NTNG2: variants seen among roughly 807,000 people sequenced by gnomAD.
NTNG2 encodes the protein netrin-G2.
Under a neutral mutation model 47.6 loss-of-function variants are expected in NTNG2, and 15 were observed. The ratio of observed to expected loss-of-function variants is 0.32; its 90% CI spans 0.21 to 0.49. NTNG2 has a LOEUF of 0.49. Ranked by LOEUF, NTNG2 falls within the 20% of genes least tolerant of loss-of-function variation. The probability of loss-of-function intolerance (pLI) is 0.99; values close to 1 mark genes in which losing one functional copy is unlikely to be tolerated. For missense variants in NTNG2, 578 were observed against 764.6 expected (o/e 0.76, Z 2.88); for synonymous variants, 307 against 324.6 (o/e 0.95, Z 0.58).
chr9:132,169,533 G>A (rs1835740328), intron 2 of NTNG2, among the ~76,000 whole-genome samples: 1 of 152,232 alleles, frequency 6.6e-6, no homozygotes, highest in Admixed American at 6.5e-5. Flanking sequence ...AATAGAAAGT[G>A]TTGCCTAAAT....
intron 2 of NTNG2, among the ~76,000 whole-genome samples, chr9:132,192,499 G>C (rs1032648142): frequency 6.6e-6 from 1 of 152,252 alleles, no homozygotes; most frequent in Non-Finnish European, 1.5e-5. Context: ...ACTGAGGCAG[G>C]AGTATCGCTT....
At chr9:132,202,496 A>C (rs1838844929) in intron 3 of NTNG2, among the ~76,000 whole-genome samples, 1 of 152,186 alleles carries the variant, frequency 6.6e-6, no homozygotes. Flanking sequence ...AGCCTGCTCC[A>C]CGTGCCCATT....
intron 5 of NTNG2, among the ~76,000 whole-genome samples, chr9:132,234,110 C>T (rs907916860): frequency 6.6e-6 from 1 of 151,542 alleles, no homozygotes; most frequent in Admixed American, 6.6e-5. Flanking sequence ...TCACTGCAAC[C>T]TCCGCCCCCC....
chr9:132,190,232 CAAAAAAA>C (rs58974463), intron 2 of NTNG2, among the ~76,000 whole-genome samples: 2 of 69,926 alleles, frequency 2.9e-5, no homozygotes, highest in African/African-American at 5.6e-5. Context: ...GACTCCATCT[CAAAAAAA>C]AAAAAAAAAA....
rs1397409994 is a variant in NTNG2, at chr9:132,182,201, C to T, written c.213+15157C>T. Reference sequence around the variant, plus strand: ...TCCCACGCACCAGCTCTGGGGAAGGCGAGATGGCTTTGCCTGGAGGAACCT... The same window carrying T: ...TCCCACGCACCAGCTCTGGGGAAGGTGAGATGGCTTTGCCTGGAGGAACCT... On this transcript the variant is annotated intron_variant, in intron 2 of 7. Coordinates refer to ENST00000393229, the MANE Select transcript of NTNG2 (RefSeq NM_032536.4). The surrounding 1 kb of genome is among the most constrained non-coding windows in gnomAD (Gnocchi z 4.2). Among the ~76,000 whole-genome samples the T allele has an allele frequency of 3.3e-5, 5 of 152,206 alleles. No individual in the cohort carries two copies. The highest frequency in any genetic ancestry group is 5.9e-5 in the Non-Finnish European group (4 of 68,038).
chr9:132,229,870 A>G (rs766011992), intron 4 of NTNG2, among the ~76,000 whole-genome samples: 7 of 152,198 alleles, frequency 4.6e-5, no homozygotes, highest in Non-Finnish European at 8.8e-5. Context: ...AATCTCACCC[A>G]GGGATTTCAA....
At chr9:132,228,380 G>A (rs934431392) in intron 4 of NTNG2, among the ~76,000 whole-genome samples, 2 of 152,174 alleles carry the variant, frequency 1.3e-5, no homozygotes, top group South Asian at 2.1e-4. Context: ...CACTCCAGCC[G>A]CTGCCTCCTC....
chr9:132,242,163 C>A lies in NTNG2; in HGVS notation c.*52C>A. ...CCCGGAGGCCGGGGGTCCCGGGGTC[C>A]CGGGGCGGGGCCGGCGTCCGAGGCC... On this transcript the variant is annotated 3_prime_UTR_variant, in exon 8 of 8. Coordinates refer to ENST00000393229, the MANE Select transcript of NTNG2 (RefSeq NM_032536.4). The surrounding 1 kb of genome is among the most constrained non-coding windows in gnomAD (Gnocchi z 5.9). 1 of 947,484 alleles carries A rather than the reference C, an allele frequency of 1.1e-6. No homozygotes were observed. The highest frequency in any genetic ancestry group is 5.0e-5 in the South Asian group (1 of 20,024). The allele number at this position is 947,484 out of a possible 1,614,324, so 58.7% of individuals were successfully genotyped here.
intron 3 of NTNG2, among the ~76,000 whole-genome samples, chr9:132,217,165 T>G (rs1840049561): frequency 1.3e-5 from 2 of 152,230 alleles, no homozygotes; most frequent in African/African-American, 2.4e-5. Flanking sequence ...GGACAGTGCC[T>G]TCTGCGTTTT....
At position 132,198,545 on chromosome 9, in the gene NTNG2, T is replaced by C; in HGVS notation, c.793T>C (p.Tyr265His). The change falls in exon 3 of 8, where the codon TAT (tyrosine) becomes CAT (histidine). Residue 265 changes from tyrosine (Y) to histidine (H), a missense_variant. Coordinates refer to ENST00000393229, the MANE Select transcript of NTNG2 (RefSeq NM_032536.4). ...RLLRPALGGT[Y>H]VQRENLYKYF... is the part of the protein sequence containing the mutation. The stretch of plus-strand genomic sequence containing the variant: ...GCTGCGCCCGGCGCTGGGCGGCACC[T>C]ATGTGCAGCGGGAGAACCTCTACAA... 6.2e-7 allele frequency: 1 copy of C among 1,613,070 alleles called. No homozygotes were observed. The highest frequency in any genetic ancestry group is 8.5e-7 in the Non-Finnish European group (1 of 1,179,966).
chr9:132,197,379 A>T lies in NTNG2; in HGVS notation c.214-587A>T, dbSNP rs2130719816. Among the ~76,000 whole-genome samples the T allele has an allele frequency of 6.6e-6, 1 of 152,198 alleles. No homozygotes were observed. The highest frequency in any genetic ancestry group is 1.5e-5 in the Non-Finnish European group (1 of 68,006). On this transcript the variant is annotated intron_variant, in intron 2 of 7. Coordinates refer to ENST00000393229, the MANE Select transcript of NTNG2 (RefSeq NM_032536.4). The surrounding 1 kb of genome is among the most constrained non-coding windows in gnomAD (Gnocchi z 4.3). ...ACTCCATCCTGGGAAACATAGCAAG[A>T]CTCCATCTCAATAAAAAAATAAAAT...
chr9:132,167,132 G>A, intron 2 of NTNG2, 88 bp downstream of exon 2: 2 of 1,404,086 alleles, frequency 1.4e-6, no homozygotes, highest in Non-Finnish European at 2.0e-6. Context: ...CAGAGCTGGA[G>A]GACTGAGATG....
At chr9:132,225,076 C>T (rs1252379726) in intron 3 of NTNG2, among the ~76,000 whole-genome samples, 2 of 152,072 alleles carry the variant, frequency 1.3e-5, no homozygotes, top group East Asian at 3.9e-4. Flanking sequence ...CACCATCACA[C>T]TTGGCTAATT....
intron 6 of NTNG2, chr9:132,240,682 G>C: frequency 1.6e-6 from 1 of 620,810 alleles, no homozygotes; most frequent in East Asian, 2.8e-5. Flanking sequence ...GGAAGGTGGG[G>C]CTGGGACGTG....
intron 2 of NTNG2, among the ~76,000 whole-genome samples, chr9:132,179,709 C>T (rs115905823): frequency 0.011 from 1,697 of 152,270 alleles, 29 homozygotes; most frequent in African/African-American, 0.037. Context: ...CGTAACAGGA[C>T]GGAGCCAGGT....
At chr9:132,227,281 C>G (rs1840845381) in intron 4 of NTNG2, among the ~76,000 whole-genome samples, 1 of 152,226 alleles carries the variant, frequency 6.6e-6, no homozygotes. Flanking sequence ...TTCTACAGCT[C>G]CCAAACGCCA....
upstream of NTNG2, chr9:132,161,873 C>T (rs1319029619): frequency 6.7e-6 from 1 of 149,654 alleles, no homozygotes; most frequent in Non-Finnish European, 1.5e-5. This position sits in a 1 kb window ranked among gnomAD's most constrained non-coding sequence, Gnocchi z 7.2. Flanking sequence ...GGGGGCTGCC[C>T]GGCGCCCGAG....
intron 3 of NTNG2, among the ~76,000 whole-genome samples, chr9:132,206,804 A>C (rs1244732335): frequency 6.6e-6 from 1 of 152,234 alleles, no homozygotes; most frequent in Non-Finnish European, 1.5e-5. Flanking sequence ...CTTCCCACCA[A>C]AAAGCGGGCA....
chr9:132,217,914 C>T (rs920450974), intron 3 of NTNG2, among the ~76,000 whole-genome samples: 13 of 152,212 alleles, frequency 8.5e-5, no homozygotes, highest in East Asian at 1.9e-4. Context: ...CAGTGGGCAC[C>T]GCTCTGTGCC....
Sources: gnomAD v4.1 joint callset for allele counts (sites outside exome capture counted in the v4.1 genomes callset) on GRCh38, gnomAD v4.1.1 for gene constraint, Gnocchi (gnomAD v3.1) non-coding constraint, MANE v1.5 for transcripts, NCBI Gene and HGNC (gene_info 2026-07-23, HGNC 2026-07-21) for gene names.